MAST4: variants seen among roughly 807,000 people sequenced by gnomAD.
MAST4 encodes microtubule-associated serine/threonine-protein kinase 4.
Under a neutral mutation model 162.7 loss-of-function variants are expected in MAST4, and 89 were observed. The ratio of observed to expected loss-of-function variants is 0.55; its 90% CI spans 0.46 to 0.65. The LOEUF is 0.65. Among genes scored for constraint, MAST4 ranks in the 30% least tolerant of loss-of-function variants. The probability of loss-of-function intolerance (pLI) is 0.00; values close to 1 mark genes in which losing one functional copy is unlikely to be tolerated. For synonymous variants in MAST4, 1,479 were observed against 1,361.1 expected, an observed-to-expected ratio of 1.09 and a Z score of -1.91; for missense variants, 3,153 against 3,374.0, an observed-to-expected ratio of 0.93 and a Z score of 1.62.
chr5:66,652,648 C>A (rs376805435), intron 1 of MAST4, among the ~76,000 whole-genome samples: 1 of 152,094 alleles, frequency 6.6e-6, no homozygotes, highest in South Asian at 2.1e-4. Context: ...AGAATAACAT[C>A]GTTTTCCTAA....
At chr5:66,608,279 C>T (rs1035899220) in intron 1 of MAST4, among the ~76,000 whole-genome samples, 3 of 149,402 alleles carry the variant, frequency 2.0e-5, no homozygotes, top group Non-Finnish European at 4.4e-5. Context: ...TGGTCTCAAG[C>T]TCCTGACCTC....
rs373837654 is a variant in MAST4, at chr5:67,133,535, G to T, written c.2115G>T (p.Gly705=). 6.2e-7 allele frequency: 1 copy of T among 1,613,086 alleles called. No individual in the cohort carries two copies. The highest frequency in any genetic ancestry group is 8.5e-7 in the Non-Finnish European group (1 of 1,179,310). Residue 705 remains glycine, a synonymous_variant, in exon 17 of 29, where the codon GGG becomes GGT. Transcript: ENST00000403625. ...KPDNLLVTSM[G]HIKLTDFGLS... ...ATAGCTTGTTGGTTACCTCCATGGG[G>T]CACATAAAGCTGACAGATTTTGGAT...
chr5:66,600,622 C>T (rs1742492435), intron 1 of MAST4, among the ~76,000 whole-genome samples: 1 of 152,216 alleles, frequency 6.6e-6, no homozygotes, highest in Non-Finnish European at 1.5e-5. Flanking sequence ...TTGAAGGGTA[C>T]CTGTGTGTAT....
rs1295070577 is a variant in MAST4, at chr5:67,167,062, C to T, written c.*11C>T. On this transcript the variant is annotated 3_prime_UTR_variant, in exon 29 of 29. Transcript: ENST00000403625. ...AAAAAGGCCTTGTAACGGGGAGGGC[C>T]CAGGGGCAGGACTGTGGAGACCCGT... 6.4e-7 allele frequency: 1 copy of T among 1,566,648 alleles called. No homozygotes were observed. Among genetic ancestry groups the T allele is most frequent in the Non-Finnish European group, 8.6e-7 (1 of 1,156,106 alleles).
intron 5 of MAST4, among the ~76,000 whole-genome samples, chr5:67,078,910 AAATAT>A (rs1561621863): frequency 1.4e-4 from 3 of 22,124 alleles, no homozygotes; most frequent in African/African-American, 6.0e-4. Context: ...ATTTTTATAT[AAATAT>A]ATATATATAT....
At chr5:66,731,633 C>T (rs925006751) in intron 1 of MAST4, among the ~76,000 whole-genome samples, 1 of 152,090 alleles carries the variant, frequency 6.6e-6, no homozygotes, top group Non-Finnish European at 1.5e-5. Context: ...GTCTTTTCCT[C>T]TGGCTTATAG....
intron 16 of MAST4, 51 bp downstream of exon 16, chr5:67,132,002 C>T (rs1341441504): frequency 7.7e-6 from 12 of 1,556,952 alleles, no homozygotes; most frequent in African/African-American, 2.8e-5. Flanking sequence ...ACAAAGTTCT[C>T]GTATGTTTAT....
chr5:67,160,306 G>A (rs576496827), intron 26 of MAST4, 150 bp from the exon 27 acceptor site: 1 of 797,886 alleles, frequency 1.3e-6, no homozygotes, highest in East Asian at 2.9e-5. Context: ...ATTCTGGCAG[G>A]ACTTCTTTGA....
At chr5:66,807,689 A>T (rs1457993422) in intron 3 of MAST4, among the ~76,000 whole-genome samples, 2 of 151,764 alleles carry the variant, frequency 1.3e-5, no homozygotes, top group East Asian at 3.9e-4. Context: ...AGGAATTTGC[A>T]TTCTCATACT....
intron 1 of MAST4, among the ~76,000 whole-genome samples, chr5:66,673,164 G>A (rs13359521): frequency 0.031 from 4,645 of 151,720 alleles, 249 homozygotes; most frequent in African/African-American, 0.1. Flanking sequence ...GATCTGTAGG[G>A]GTTTCTTGGG....
chr5:67,039,771 T>G (rs1756492431), intron 4 of MAST4, among the ~76,000 whole-genome samples: 1 of 152,154 alleles, frequency 6.6e-6, no homozygotes, highest in Admixed American at 6.6e-5. Context: ...TACACACAGA[T>G]CCCTCTCCTG....
intron 4 of MAST4, among the ~76,000 whole-genome samples, chr5:66,941,139 T>G (rs1743320223): frequency 6.6e-6 from 1 of 152,094 alleles, no homozygotes; most frequent in African/African-American, 2.4e-5. Flanking sequence ...CAGAGCAGAT[T>G]TACCATAATT....
intron 1 of MAST4, among the ~76,000 whole-genome samples, chr5:66,654,067 G>T (rs915122470): frequency 3.3e-5 from 5 of 152,142 alleles, no homozygotes; most frequent in Non-Finnish European, 5.9e-5. Flanking sequence ...TGCCCTCATC[G>T]TGCTTACAGA....
chr5:67,033,315 C>CTGTGTGTGTGTGTGTGTGTG (rs146627241), intron 4 of MAST4, among the ~76,000 whole-genome samples: 13 of 125,990 alleles, frequency 1.0e-4, no homozygotes, highest in Non-Finnish European at 1.6e-4. Flanking sequence ...TTTCATTTCT[C>CTGTGTGTGTGTGTGTGTGTG]TGTGTGTGTG....
At chr5:66,889,318 G>A (rs150555895) in intron 3 of MAST4, among the ~76,000 whole-genome samples, 145 of 152,180 alleles carry the variant, frequency 9.5e-4, no homozygotes, top group African/African-American at 3.0e-3. Context: ...GGGCTGATAC[G>A]CATATTTATC....
In MAST4 at chr5:67,142,100, C is replaced by T. The variant is rs775476416; in HGVS notation, c.2495-15C>T. 3 of 1,612,776 alleles carry T rather than the reference C, an allele frequency of 1.9e-6. No homozygotes were observed. Among genetic ancestry groups the T allele is most frequent in the East Asian group, 2.2e-5 (1 of 44,848 alleles). On this transcript the variant is annotated splice_polypyrimidine_tract_variant and intron_variant, in intron 19 of 28. Coordinates refer to ENST00000403625, the MANE Select transcript of MAST4 (RefSeq NM_001164664.2). ...TTTAACACTTTCCTCTCTGTCTCTA[C>T]CTGCCCCCTTCCAGGTGGTGCATAT...
intron 3 of MAST4, among the ~76,000 whole-genome samples, chr5:66,899,323 A>C (rs987286537): frequency 6.6e-6 from 1 of 152,162 alleles, no homozygotes; most frequent in Non-Finnish European, 1.5e-5. Flanking sequence ...CACCCTTTTA[A>C]AACTATGAAG....
intron 4 of MAST4, among the ~76,000 whole-genome samples, chr5:67,021,303 GGAATA>G (rs1161294770): frequency 1.3e-5 from 2 of 152,088 alleles, no homozygotes; most frequent in African/African-American, 2.4e-5. Context: ...GCATGTTACA[GGAATA>G]GAATTTTCTC....
intron 3 of MAST4, among the ~76,000 whole-genome samples, chr5:66,845,577 G>A (rs534819228): frequency 1.4e-4 from 22 of 152,136 alleles, no homozygotes; most frequent in South Asian, 8.3e-4. Flanking sequence ...ATAAACATAC[G>A]TGTGCATGTG....
Sources: gnomAD v4.1 joint callset for allele counts (sites outside exome capture counted in the v4.1 genomes callset) on GRCh38, gnomAD v4.1.1 for gene constraint, MANE v1.5 for transcripts, NCBI Gene and HGNC (gene_info 2026-07-23, HGNC 2026-07-21) for gene names.